Variants in SH3RF2 observed in about 807,000 individuals in gnomAD.
SH3RF2 encodes E3 ubiquitin-protein ligase SH3RF2.
Under a neutral mutation model 59.0 loss-of-function variants are expected in SH3RF2, and 43 were observed. The ratio of observed to expected loss-of-function variants is 0.73; its 90% CI spans 0.57 to 0.94. SH3RF2 has a LOEUF of 0.94. Ranked by LOEUF, SH3RF2 falls within the 40% of genes least tolerant of loss-of-function variation. The probability of loss-of-function intolerance (pLI) is 0.00; values close to 1 mark genes in which losing one functional copy is unlikely to be tolerated. For synonymous variants in SH3RF2, 391 were observed against 391.5 expected, an observed-to-expected ratio of 1.00 and a Z score of 0.01; for missense variants, 930 against 940.1, an observed-to-expected ratio of 0.99 and a Z score of 0.14.
At chr5:145,976,443 GAAAA>G (rs113776416) in intron 2 of SH3RF2, among the ~76,000 whole-genome samples, 38 of 138,636 alleles carry the variant, frequency 2.7e-4, no homozygotes, top group African/African-American at 9.6e-4. Context: ...AATTAAGAAG[GAAAA>G]AAAAAAAAAG....
intron 2 of SH3RF2, among the ~76,000 whole-genome samples, chr5:145,976,266 C>A (rs1365957466): frequency 6.6e-6 from 1 of 152,140 alleles, no homozygotes; most frequent in Non-Finnish European, 1.5e-5. Context: ...TAGTTCACCT[C>A]CCTGAGCTTC....
chr5:145,954,068 T>C (rs1225045405), intron 2 of SH3RF2, among the ~76,000 whole-genome samples: 1 of 152,252 alleles, frequency 6.6e-6, no homozygotes, highest in East Asian at 1.9e-4. Flanking sequence ...TCTGGGTATA[T>C]ACCCAGTAAT....
chr5:146,041,971 C>T lies in SH3RF2; in HGVS notation c.1060-5801C>T, dbSNP rs141455037. The stretch of plus-strand genomic sequence containing the variant: ...AAATAAAATAAAATGTAGCCCTTCT[C>T]TCAACTCTGAGTGAACACTGTAGGT... On this transcript the variant is annotated intron_variant, in intron 5 of 9. Transcript: ENST00000359120. 6.6e-3 allele frequency among the ~76,000 whole-genome samples: 1,002 copies of T among 152,252 alleles called. 13 individuals carry two copies. Among genetic ancestry groups the T allele is most frequent in the African/African-American group, 0.023 (968 of 41,554 alleles).
intron 5 of SH3RF2, among the ~76,000 whole-genome samples, chr5:146,019,568 G>A (rs1157448151): frequency 6.6e-6 from 1 of 151,746 alleles, no homozygotes; most frequent in Non-Finnish European, 1.5e-5. Context: ...TTTTCTTTTT[G>A]TTTAGAATTG....
chr5:146,001,801 C>T (rs1760428428), intron 3 of SH3RF2, among the ~76,000 whole-genome samples: 1 of 152,214 alleles, frequency 6.6e-6, no homozygotes, highest in Admixed American at 6.5e-5. Flanking sequence ...AAGAAACAGA[C>T]ATATAAATGG....
At chr5:146,027,965 A>G (rs1761592539) in intron 5 of SH3RF2, among the ~76,000 whole-genome samples, 1 of 152,166 alleles carries the variant, frequency 6.6e-6, no homozygotes, top group South Asian at 2.1e-4. Flanking sequence ...TTGATTCAGC[A>G]TTTCTCCAGC....
chr5:146,027,216 C>A (rs1354445918), intron 5 of SH3RF2, among the ~76,000 whole-genome samples: 1 of 152,096 alleles, frequency 6.6e-6, no homozygotes, highest in African/African-American at 2.4e-5. Flanking sequence ...TACTGTAATT[C>A]CGTGTGAACC....
chr5:145,947,380 A>C (rs1323764770), intron 2 of SH3RF2, among the ~76,000 whole-genome samples: 1 of 152,186 alleles, frequency 6.6e-6, no homozygotes, highest in Non-Finnish European at 1.5e-5. Context: ...CAAGTTACTT[A>C]GTGACTCTGA....
At chr5:145,951,582 C>A (rs1758194940) in intron 2 of SH3RF2, among the ~76,000 whole-genome samples, 3 of 152,276 alleles carry the variant, frequency 2.0e-5, no homozygotes, top group Admixed American at 2.0e-4. Flanking sequence ...CACTGAGAGG[C>A]CCACACAACC....
Position 146,060,054 on chromosome 5 carries a change from C to A in SH3RF2, c.1744C>A (p.Leu582Ile), listed in dbSNP as rs1762830557. 6.2e-7 allele frequency: 1 copy of A among 1,613,664 alleles called. No individual in the cohort carries two copies. Among genetic ancestry groups the A allele is most frequent in the African/African-American group, 1.3e-5 (1 of 74,930 alleles). ...GCCTGCCCTCACGGGGGAGCCCGCC[C>A]TCACGTGCATCAGCAGGGGCAGTGA... ...SKPALTGEPA[L>I]TCISRGSEAW... Residue 582 changes from leucine (L) to isoleucine (I), a missense_variant, in exon 9 of 10, where the codon CTC becomes ATC. By Grantham distance (5) the Leu-to-Ile change is conservative. Transcript: ENST00000359120.
chr5:146,060,738 A>G (rs1762858694), intron 9 of SH3RF2, among the ~76,000 whole-genome samples: 1 of 152,232 alleles, frequency 6.6e-6, no homozygotes, highest in Admixed American at 6.5e-5. Context: ...CAACTGAGGC[A>G]CAGGATAATG....
chr5:146,030,698 G>A (rs189190334), intron 5 of SH3RF2, among the ~76,000 whole-genome samples: 8 of 142,722 alleles, frequency 5.6e-5, no homozygotes, highest in Admixed American at 5.1e-4. Flanking sequence ...CCTGCTGCCT[G>A]TTTTCATATG....
Position 146,004,087 on chromosome 5 carries a change from G to A in SH3RF2, c.678G>A (p.Val226=). The part of the protein sequence containing the change: ...KDDIITVISR[V]DENWAEGKLG... ...ATATCATCACTGTGATCAGCCGAGT[G>A]GATGAGAACTGGGCAGAAGGCAAGT... is the stretch of plus-strand genomic sequence containing the variant. Residue 226 remains valine (V), a synonymous_variant, in exon 4 of 10, where the codon GTG becomes GTA. Coordinates refer to ENST00000359120, the MANE Select transcript of SH3RF2 (RefSeq NM_152550.4). 6.2e-7 allele frequency: 1 copy of A among 1,613,040 alleles called. No homozygotes were observed. The highest frequency in any genetic ancestry group is 8.5e-7 in the Non-Finnish European group (1 of 1,179,214).
intron 5 of SH3RF2, among the ~76,000 whole-genome samples, chr5:146,027,739 T>C (rs933760631): frequency 8.6e-5 from 13 of 151,946 alleles, no homozygotes; most frequent in African/African-American, 3.1e-4. Context: ...GTCAGCCAGG[T>C]GAAAAAAGGA....
intron 2 of SH3RF2, among the ~76,000 whole-genome samples, chr5:145,943,521 C>T (rs1757896784): frequency 6.6e-6 from 1 of 152,174 alleles, no homozygotes; most frequent in Non-Finnish European, 1.5e-5. Flanking sequence ...TTGCACATTT[C>T]TTTTAGCCTC....
intron 9 of SH3RF2, among the ~76,000 whole-genome samples, chr5:146,078,304 T>C (rs1334518521): frequency 6.6e-6 from 1 of 152,242 alleles, no homozygotes; most frequent in African/African-American, 2.4e-5. Context: ...AAACAGATAC[T>C]GTGTACCTCC....
chr5:146,074,860 T>C (rs1391850348), intron 9 of SH3RF2, among the ~76,000 whole-genome samples: 4 of 152,122 alleles, frequency 2.6e-5, no homozygotes, highest in South Asian at 2.1e-4. Context: ...GCCCAGGCTA[T>C]AGATTTGGAA....
downstream of SH3RF2, among the ~76,000 whole-genome samples, chr5:146,064,685 A>AGGAAGGAAGGAAG: frequency 2.8e-4 from 1 of 3,518 alleles, no homozygotes; most frequent in Admixed American, 3.7e-3. Flanking sequence ...AAAGAAAGAA[A>AGGAAGGAAGGAAG]GAAAGAAAGA....
At chr5:146,016,657 A>G (rs1037328660) in intron 5 of SH3RF2, among the ~76,000 whole-genome samples, 1 of 152,214 alleles carries the variant, frequency 6.6e-6, no homozygotes, top group Non-Finnish European at 1.5e-5. Context: ...GTCTAATTCT[A>G]GAACATAAGC....
Sources: allele counts gnomAD v4.1 joint callset (sites outside exome capture counted in the v4.1 genomes callset), GRCh38; gene constraint gnomAD v4.1.1; transcripts MANE v1.5; gene names NCBI Gene and HGNC (gene_info 2026-07-23, HGNC 2026-07-21).